The following LRRC74A variants were observed in gnomAD, a reference collection of about 807,000 sequenced individuals.
LRRC74A encodes leucine rich repeat containing 74A, also known as leucine-rich repeat-containing protein 74A.
Under a neutral mutation model 57.9 loss-of-function variants are expected in LRRC74A, and 44 were observed. That is an observed-to-expected ratio of 0.76 (90% CI 0.60 to 0.98). The LOEUF is 0.98. Among genes scored for constraint, LRRC74A ranks in the 50% least tolerant of loss-of-function variants. LRRC74A has a pLI of 0.00. For missense variants in LRRC74A, 572 were observed against 574.0 expected, an observed-to-expected ratio of 1.00 and a Z score of 0.04; for synonymous variants, 211 against 219.4, an observed-to-expected ratio of 0.96 and a Z score of 0.34.
Position 76,868,189 on chromosome 14 carries a change from G to A in LRRC74A, c.1391+751G>A, listed in dbSNP as rs114582570. Among the ~76,000 whole-genome samples, 770 of 152,324 alleles carry A rather than the reference G, an allele frequency of 5.1e-3. 8 individuals are homozygous for A. Among genetic ancestry groups the A allele is most frequent in the African/African-American group, 0.018 (740 of 41,568 alleles). On this transcript the variant is annotated intron_variant, in intron 13 of 13. Coordinates refer to ENST00000689127, the MANE Select transcript of LRRC74A (RefSeq NM_001385106.1). ...AGCAAAGAAGCCAAGTTCACCGGGT[G>A]CAGTAGCCCATGCCTATAATCCCAG...
At chr14:76,853,113 G>T in intron 8 of LRRC74A, 103 bp from the exon 9 acceptor site, 10 of 1,083,996 alleles carry the variant, frequency 9.2e-6, no homozygotes, top group Middle Eastern at 4.7e-4. Context: ...GGACCACTGA[G>T]CACCCGGTCT....
chr14:76,844,822 C>A lies in LRRC74A; in HGVS notation c.597C>A (p.Thr199=), dbSNP rs1420515420. The A allele has an allele frequency of 3.2e-6, 5 of 1,540,960 alleles. No individual in the cohort carries two copies. The South Asian group carries it at 3.4e-5, about 10-fold the overall frequency. The stretch of plus-strand genomic sequence containing the variant: ...CTTTCCCCTGTTTGTTTCTGTAGAC[C>A]AATTACCAAATTAAAAAGCTGGATC... ...SAALLCQALS[T]NYQIKKLDLS... The change falls in exon 7 of 14, where the codon ACC becomes ACA. Residue 199 remains threonine, a splice_region_variant and synonymous_variant. Coordinates refer to ENST00000689127, the MANE Select transcript of LRRC74A (RefSeq NM_001385106.1).
Position 76,853,615 on chromosome 14 carries a change from C to T in LRRC74A, c.957+205C>T, listed in dbSNP as rs1388323209. 2.6e-5 allele frequency among the ~76,000 whole-genome samples: 4 copies of T among 152,154 alleles called. No individual in the cohort carries two copies. The East Asian group carries it at 7.7e-4, about 29-fold the overall frequency. On this transcript the variant is annotated intron_variant, in intron 9 of 13. Transcript: ENST00000689127. ...TATAAAGCCAGTGTCACCCTCAGTGCTCCCTGGTACACTGCAGATCTTTCT... is the reference window on the plus strand; with the variant it reads ...TATAAAGCCAGTGTCACCCTCAGTGTTCCCTGGTACACTGCAGATCTTTCT...
rs144512433 is a variant in LRRC74A, at chr14:76,851,852, G to C, written c.677-513G>C. Reference sequence around the variant, plus strand: ...AGCTAATTTTTGTATTTTTAGTAGAGACGCAGTTTCACCATGTTGGCCAGG... The same window carrying C: ...AGCTAATTTTTGTATTTTTAGTAGACACGCAGTTTCACCATGTTGGCCAGG... On this transcript the variant is annotated intron_variant, in intron 7 of 13. Coordinates refer to ENST00000689127, the MANE Select transcript of LRRC74A (RefSeq NM_001385106.1). 6.0e-3 allele frequency among the ~76,000 whole-genome samples: 910 copies of C among 151,828 alleles called. 5 individuals are homozygous for C. Among genetic ancestry groups the C allele is most frequent in the Middle Eastern group, 0.014 (4 of 294 alleles).
chr14:76,835,408 A>G (rs1896251928), intron 3 of LRRC74A, among the ~76,000 whole-genome samples: 2 of 151,780 alleles, frequency 1.3e-5, no homozygotes, highest in Admixed American at 1.3e-4. Context: ...GATTGCTTGA[A>G]TCCAGGAAGC....
At chr14:76,855,106 G>C (rs980204353) in intron 9 of LRRC74A, among the ~76,000 whole-genome samples, 3 of 152,242 alleles carry the variant, frequency 2.0e-5, no homozygotes, top group African/African-American at 7.2e-5. Flanking sequence ...TGAGGAAGGG[G>C]CTGCCATCTG....
At chr14:76,846,286 C>T (rs142758890) in intron 7 of LRRC74A, among the ~76,000 whole-genome samples, 5 of 152,126 alleles carry the variant, frequency 3.3e-5, no homozygotes, top group Admixed American at 6.5e-5. Flanking sequence ...TCAAAGGCTG[C>T]GGACAACCGA....
intron 10 of LRRC74A, 22 bp downstream of exon 10, chr14:76,857,497 GC>G (rs1276270715): frequency 6.6e-7 from 1 of 1,525,460 alleles, no homozygotes; most frequent in African/African-American, 1.4e-5. Context: ...AATGGTAGTT[GC>G]TTGCGTCTGG....
chr14:76,851,399 C>T (rs554420860), intron 7 of LRRC74A, among the ~76,000 whole-genome samples: 1 of 152,178 alleles, frequency 6.6e-6, no homozygotes, highest in Admixed American at 6.5e-5. Flanking sequence ...GCTCTGTCAC[C>T]CAGGCTGGAG....
In LRRC74A at chr14:76,857,376, A is replaced by G. The variant is rs768536828; in HGVS notation, c.958-4A>G. Reference sequence around the variant, plus strand: ...CTCCTCTTGTCTTGATTCTCCCTCTATAGCTTTTCCTGAATCCCATAAATA... The same window carrying G: ...CTCCTCTTGTCTTGATTCTCCCTCTGTAGCTTTTCCTGAATCCCATAAATA... On this transcript the variant is annotated splice_polypyrimidine_tract_variant and splice_region_variant and intron_variant, in intron 9 of 13. Coordinates refer to ENST00000689127, the MANE Select transcript of LRRC74A (RefSeq NM_001385106.1). 2.6e-6 allele frequency: 4 copies of G among 1,564,370 alleles called. No individual in the cohort carries two copies. The highest frequency in any genetic ancestry group is 3.8e-5 in the Admixed American group (2 of 53,152).
At chr14:76,863,442 C>T (rs533650151) in intron 11 of LRRC74A, among the ~76,000 whole-genome samples, 2 of 152,270 alleles carry the variant, frequency 1.3e-5, no homozygotes, top group African/African-American at 2.4e-5. Flanking sequence ...CAGGGCAGGT[C>T]CTTCCACCTG....
intron 11 of LRRC74A, among the ~76,000 whole-genome samples, chr14:76,863,687 A>G (rs1179942173): frequency 6.6e-6 from 1 of 152,168 alleles, no homozygotes; most frequent in Non-Finnish European, 1.5e-5. Context: ...CAAGGTTCTT[A>G]GTTGCTGGCC....
chr14:76,863,499 T>G (rs994451066), intron 11 of LRRC74A, among the ~76,000 whole-genome samples: 6 of 152,110 alleles, frequency 3.9e-5, no homozygotes, highest in Non-Finnish European at 8.8e-5. Flanking sequence ...TCCTACCCGT[T>G]CTCAGGTCTC....
intron 10 of LRRC74A, 121 bp downstream of exon 10, chr14:76,857,596 C>A: frequency 1.5e-6 from 1 of 668,696 alleles, no homozygotes; most frequent in Admixed American, 2.5e-5. Flanking sequence ...ACAAGTGCTC[C>A]ATGAAAGGGT....
rs1214238897 is a variant in LRRC74A, at chr14:76,853,451, G to GTGTGTGTGTGTC, written c.957+52_957+53insCTGTGTGTGTGT. The stretch of plus-strand genomic sequence containing the variant: ...AAAGGGTGTGTGTGTGTGTGTGTGT[G>GTGTGTGTGTGTC]TGTGTGTGTGTTTGTGTATGTGTTG... On this transcript the variant is annotated intron_variant, in intron 9 of 13. Transcript: ENST00000689127. The GTGTGTGTGTGTC allele has an allele frequency of 2.7e-6, 4 of 1,459,564 alleles. No homozygotes were observed. The South Asian group carries it at 4.9e-5, about 18-fold the overall frequency. 90.4% of individuals were successfully genotyped at this position (1,459,564 alleles called of 1,614,324 possible).
At chr14:76,848,398 CA>C (rs561999249) in intron 7 of LRRC74A, among the ~76,000 whole-genome samples, 23,931 of 137,164 alleles carry the variant, frequency 0.17, 2,117 homozygotes, top group Non-Finnish European at 0.21. Context: ...GACTCCATCT[CA>C]AAAAAAAAAA....
At chr14:76,869,374 G>A (rs1899240450) in intron 13 of LRRC74A, among the ~76,000 whole-genome samples, 1 of 152,202 alleles carries the variant, frequency 6.6e-6, no homozygotes, top group Non-Finnish European at 1.5e-5. Flanking sequence ...TTTATCAGCT[G>A]TGATTGAAGA....
At chr14:76,861,131 T>C (rs1435023972) in intron 11 of LRRC74A, among the ~76,000 whole-genome samples, 2 of 152,258 alleles carry the variant, frequency 1.3e-5, no homozygotes, top group African/African-American at 4.8e-5. Flanking sequence ...TGCTAGCGTA[T>C]GACCAAGGGC....
chr14:76,863,482 C>T (rs1035880044), intron 11 of LRRC74A, among the ~76,000 whole-genome samples: 1 of 152,136 alleles, frequency 6.6e-6, no homozygotes, highest in East Asian at 1.9e-4. Flanking sequence ...CTCTGGGTCT[C>T]GCTCATTCCT....
Sources: allele counts gnomAD v4.1 joint callset (sites outside exome capture counted in the v4.1 genomes callset), GRCh38; gene constraint gnomAD v4.1.1; transcripts MANE v1.5; gene names NCBI Gene and HGNC (gene_info 2026-07-23, HGNC 2026-07-21).